CACNA2D1: variants seen among roughly 807,000 people sequenced by gnomAD.
CACNA2D1 encodes the protein voltage-dependent calcium channel subunit alpha-2/delta-1.
CACNA2D1 carries 53 observed loss-of-function variants against 171.5 expected under a neutral mutation model. The ratio of observed to expected loss-of-function variants is 0.31; its 90% confidence interval spans 0.25 to 0.39. The LOEUF (loss-of-function observed/expected upper bound fraction) is 0.39. Ranked by LOEUF, CACNA2D1 falls within the 10% of genes least tolerant of loss-of-function variation. CACNA2D1 has a pLI of 1.00. For missense variants in CACNA2D1, 903 were observed against 1,299.8 expected (o/e 0.69, Z 4.69); for synonymous variants, 442 against 443.1 (o/e 1.00, Z 0.03).
rs1793903937 is a variant in CACNA2D1, at chr7:81,959,921, C to CAAAATATGACATCT, written c.2967-106_2967-93dup. ...GATTCTTACATATTAAAATGAAAGA[C>CAAAATATGACATCT]AAAATATGACATCTGAAACAGAAAC... On this transcript the variant is annotated intron_variant, in intron 36 of 38. Coordinates refer to ENST00000356860, the MANE Select transcript of CACNA2D1 (RefSeq NM_000722.4). The CAAAATATGACATCT allele has an allele frequency of 4.7e-6, 7 of 1,504,778 alleles. No homozygotes were observed. In the East Asian group the frequency reaches 9.9e-5, roughly 21 times the overall value. The allele number at this position is 1,504,778 out of a possible 1,614,324, so 93.2% of individuals were successfully genotyped here.
Position 82,121,239 on chromosome 7 carries a change from C to T in CACNA2D1, c.397-4066G>A, listed in dbSNP as rs187014137. ...CCTAGGTTTTTTAATTTCTATTGTT[C>T]AGAGCCAGTGTCTTGCTATGCTGTC... On this transcript the variant is annotated intron_variant, in intron 5 of 38. Coordinates refer to ENST00000356860, the MANE Select transcript of CACNA2D1 (RefSeq NM_000722.4). Among the ~76,000 whole-genome samples the T allele has an allele frequency of 3.3e-3, 504 of 152,194 alleles. 6 individuals are homozygous for T. Among genetic ancestry groups the T allele is most frequent in the South Asian group, 0.028 (137 of 4,822 alleles).
At chr7:82,007,245 A>T (rs1435874294) in intron 16 of CACNA2D1, among the ~76,000 whole-genome samples, 1 of 152,190 alleles carries the variant, frequency 6.6e-6, no homozygotes, top group Admixed American at 6.5e-5. Flanking sequence ...GATAATTTTT[A>T]AAAAGCTATT....
Position 81,971,802 on chromosome 7 carries a change from T to A in CACNA2D1, c.2116A>T (p.Asn706Tyr). Residue 706 changes from asparagine (N) to tyrosine (Y), a missense_variant, in exon 26 of 39, where the codon AAT (asparagine) becomes TAT (tyrosine). Around this residue, in one of 5 missense-constraint regions of CACNA2D1, gnomAD observed 623 missense variants for 925.5 expected, o/e 0.67. Coordinates refer to ENST00000356860, the MANE Select transcript of CACNA2D1 (RefSeq NM_000722.4). ...DAGFTNELVQNYWSKQKNIKG... is the reference protein window; with the variant it reads ...DAGFTNELVQYYWSKQKNIKG... ...ATATTTTTCTGCTTACTCCAGTAAT[T>A]TTGGACAAGTTCATTTGTAAAGCCT... The A allele has an allele frequency of 6.2e-7, 1 of 1,602,710 alleles. No individual in the cohort carries two copies. The highest frequency in any genetic ancestry group is 8.5e-7 in the Non-Finnish European group (1 of 1,170,402).
intron 18 of CACNA2D1, among the ~76,000 whole-genome samples, chr7:82,002,947 T>C (rs948013970): frequency 2.0e-5 from 3 of 152,136 alleles, no homozygotes; most frequent in African/African-American, 4.8e-5. Flanking sequence ...ATGGCTGCTA[T>C]AGATATAGCA....
Position 82,263,943 on chromosome 7 carries a change from T to C in CACNA2D1, c.294+71192A>G, listed in dbSNP as rs549493049. ...AAATAAACACATAATATGGGTTTTT[T>C]TTTTCCTCTGAAAATTTGGAAAATA... is the stretch of plus-strand genomic sequence containing the variant. On this transcript the variant is annotated intron_variant, in intron 3 of 38. Coordinates refer to ENST00000356860, the MANE Select transcript of CACNA2D1 (RefSeq NM_000722.4). Among the ~76,000 whole-genome samples the C allele has an allele frequency of 3.3e-5, 5 of 152,306 alleles. No homozygotes were observed. The East Asian group carries it at 9.6e-4, about 29-fold the overall frequency.
At chr7:82,083,395 T>C (rs1303904805) in intron 7 of CACNA2D1, among the ~76,000 whole-genome samples, 1 of 151,838 alleles carries the variant, frequency 6.6e-6, no homozygotes, top group African/African-American at 2.4e-5. Context: ...ATTATGCGCA[T>C]GAGCAGTGTT....
chr7:82,165,095 TA>T (rs1333337309), intron 4 of CACNA2D1, among the ~76,000 whole-genome samples: 1 of 152,036 alleles, frequency 6.6e-6, no homozygotes, highest in Non-Finnish European at 1.5e-5. Context: ...AATTTAGCAC[TA>T]TTTTCATCAT....
chr7:82,320,755 A>C (rs931438737), intron 3 of CACNA2D1, among the ~76,000 whole-genome samples: 1 of 152,094 alleles, frequency 6.6e-6, no homozygotes, highest in East Asian at 1.9e-4. Flanking sequence ...ACATGACTTA[A>C]GTATAATAAA....
rs79074465 is a variant in CACNA2D1, at chr7:82,050,674, C to T, written c.879+9754G>A. The T allele has an allele frequency of 3.7e-3, 2,596 of 700,670 alleles. 41 individuals are homozygous for T. The African/African-American group carries it at 0.04, about 11-fold the overall frequency. 43.4% of individuals were successfully genotyped at this position (700,670 alleles called of 1,614,324 possible). ...AATAAATTGGCTGTTAATGCTTAGA[C>T]TTAAATGTGAAAGATTCATAAAGAA... On this transcript the variant is annotated intron_variant, in intron 10 of 38. Coordinates refer to ENST00000356860, the MANE Select transcript of CACNA2D1 (RefSeq NM_000722.4).
At chr7:82,232,622 T>C (rs983891260) in intron 3 of CACNA2D1, among the ~76,000 whole-genome samples, 1 of 151,864 alleles carries the variant, frequency 6.6e-6, no homozygotes, top group Non-Finnish European at 1.5e-5. Context: ...TCCAAGCACT[T>C]TGGGAGGCCG....
At chr7:82,331,141 T>C (rs1817256353) in intron 3 of CACNA2D1, among the ~76,000 whole-genome samples, 3 of 152,152 alleles carry the variant, frequency 2.0e-5, no homozygotes, top group African/African-American at 7.2e-5. Flanking sequence ...AAGTCCCAGT[T>C]TCTTCATTGA....
Position 82,364,093 on chromosome 7 carries a change from A to G in CACNA2D1, c.96-14444T>C, listed in dbSNP as rs117479087. Among the ~76,000 whole-genome samples the G allele has an allele frequency of 2.9e-3, 443 of 152,212 alleles. 5 individuals are homozygous for G. In the East Asian group the frequency reaches 0.032, roughly 11 times the overall value. On this transcript the variant is annotated intron_variant, in intron 1 of 38. Coordinates refer to ENST00000356860, the MANE Select transcript of CACNA2D1 (RefSeq NM_000722.4). ...TACGAAGAAAAAAAAATAGCTGGGC[A>G]TGGTGGCTTATGCCAGCTACTCAGG...
At chr7:82,048,868 C>T (rs6980031) in intron 10 of CACNA2D1, among the ~76,000 whole-genome samples, 121,655 of 152,018 alleles carry the variant, frequency 0.8, 50,874 homozygotes, top group Non-Finnish European at 0.91. Flanking sequence ...TTTCCTAGTC[C>T]TTCAAGCCCC....
intron 3 of CACNA2D1, among the ~76,000 whole-genome samples, chr7:82,191,930 A>C (rs1217120824): frequency 2.0e-5 from 3 of 151,848 alleles, no homozygotes; most frequent in African/African-American, 7.2e-5. Flanking sequence ...ACAAAGAATG[A>C]TTATTATCAT....
chr7:82,291,287 T>A (rs1811529885), intron 3 of CACNA2D1, among the ~76,000 whole-genome samples: 2 of 141,936 alleles, frequency 1.4e-5, no homozygotes, highest in African/African-American at 5.1e-5. Context: ...ATAATTCCTT[T>A]ATATATAGTA....
chr7:82,363,792 C>G (rs1375012614), intron 1 of CACNA2D1, among the ~76,000 whole-genome samples: 1 of 152,176 alleles, frequency 6.6e-6, no homozygotes, highest in African/African-American at 2.4e-5. Flanking sequence ...AATTCTAGGA[C>G]CTAGGCTTGG....
chr7:82,372,604 G>C (rs1822534552), intron 1 of CACNA2D1, among the ~76,000 whole-genome samples: 1 of 116,364 alleles, frequency 8.6e-6, no homozygotes, highest in Non-Finnish European at 2.1e-5. Flanking sequence ...GCAGTATATT[G>C]TTATGAAGCA....
At chr7:82,375,256 A>G (rs1822887553) in intron 1 of CACNA2D1, among the ~76,000 whole-genome samples, 1 of 152,086 alleles carries the variant, frequency 6.6e-6, no homozygotes, top group South Asian at 2.1e-4. Flanking sequence ...TATCTGTCTT[A>G]CCCCATCACC....
At chr7:82,343,141 A>C (rs3801697) in intron 2 of CACNA2D1, 6 of 152,142 alleles carry the variant, frequency 3.9e-5, no homozygotes, top group African/African-American at 1.4e-4. Context: ...ATATCAAACT[A>C]GCATTCTAAT....
Sources: gnomAD v4.1 joint callset for allele counts (sites outside exome capture counted in the v4.1 genomes callset) on GRCh38, gnomAD v4.1.1 for gene constraint, gnomAD v4.1.1 regional missense constraint, MANE v1.5 for transcripts, NCBI Gene and HGNC (gene_info 2026-07-23, HGNC 2026-07-21) for gene names.